NSG2: variants seen among roughly 807,000 people sequenced by gnomAD.
NSG2 encodes neuronal vesicle trafficking-associated protein 2.
NSG2 carries 4 observed loss-of-function variants against 16.9 expected under a neutral mutation model. That is an observed-to-expected ratio of 0.24 (90% CI 0.12 to 0.54). The LOEUF (loss-of-function observed/expected upper bound fraction) is 0.54. NSG2 is among the 20% of genes least tolerant of loss of function. The probability of loss-of-function intolerance (pLI) is 0.95; values close to 1 mark genes in which losing one functional copy is unlikely to be tolerated. For missense variants in NSG2, 179 were observed against 221.1 expected, an observed-to-expected ratio of 0.81 and a Z score of 1.21; for synonymous variants, 98 against 88.7, an observed-to-expected ratio of 1.11 and a Z score of -0.59.
At chr5:174,063,305 G>T (rs1760081627) in intron 2 of NSG2, among the ~76,000 whole-genome samples, 1 of 152,168 alleles carries the variant, frequency 6.6e-6, no homozygotes, top group African/African-American at 2.4e-5. Context: ...CACTTTGCCT[G>T]CACAGTGGGA....
At chr5:174,100,461 G>T (rs1328000773) in intron 3 of NSG2, among the ~76,000 whole-genome samples, 1 of 152,166 alleles carries the variant, frequency 6.6e-6, no homozygotes, top group Non-Finnish European at 1.5e-5. Context: ...TTCTCTTCCT[G>T]GTTACACACG....
chr5:174,066,124 C>A, intron 3 of NSG2: 1 of 452,548 alleles, frequency 2.2e-6, no homozygotes, highest in Non-Finnish European at 4.5e-6. Context: ...TGTGTGCATT[C>A]CCTGGAATGT....
chr5:174,074,256 T>C lies in NSG2; in HGVS notation c.213+9941T>C, dbSNP rs142984504. Among the ~76,000 whole-genome samples, 40 of 152,302 alleles carry C rather than the reference T, an allele frequency of 2.6e-4. 1 individual carries two copies. Among genetic ancestry groups the C allele is most frequent in the African/African-American group, 9.1e-4 (38 of 41,578 alleles). On this transcript the variant is annotated intron_variant, in intron 3 of 4. Coordinates refer to ENST00000303177, the MANE Select transcript of NSG2 (RefSeq NM_015980.5). Reference sequence around the variant, plus strand: ...GGCGAAGGCTCCATCATAGACCTAGTGTGAGGCCTAAGTGAGGCAATGTAA... The same window carrying C: ...GGCGAAGGCTCCATCATAGACCTAGCGTGAGGCCTAAGTGAGGCAATGTAA...
chr5:174,100,462 G>C (rs1405715926), intron 3 of NSG2, among the ~76,000 whole-genome samples: 2 of 152,124 alleles, frequency 1.3e-5, no homozygotes, highest in Admixed American at 6.5e-5. Context: ...TCTCTTCCTG[G>C]TTACACACGG....
rs140681120 is a variant in NSG2 at position 174,070,853 on chromosome 5, G to A, written c.213+6538G>A. Among the ~76,000 whole-genome samples the A allele has an allele frequency of 4.4e-4, 67 of 152,286 alleles. 1 individual carries two copies. The highest frequency in any genetic ancestry group is 3.4e-3 in the Middle Eastern group (1 of 294). Reference sequence around the variant, plus strand: ...TCCCTGGAGGGCAGGGAGGTGTCTGGTGCATCTCTGTGTTCCCAGTTCCCA... The same window carrying A: ...TCCCTGGAGGGCAGGGAGGTGTCTGATGCATCTCTGTGTTCCCAGTTCCCA... On this transcript the variant is annotated intron_variant, in intron 3 of 4. Transcript: ENST00000303177.
At chr5:174,076,662 G>T (rs1760348554) in intron 3 of NSG2, among the ~76,000 whole-genome samples, 1 of 152,158 alleles carries the variant, frequency 6.6e-6, no homozygotes, top group Non-Finnish European at 1.5e-5. Flanking sequence ...GAGGTAGTTG[G>T]GTGAGTTCAT....
At chr5:174,080,525 T>TTC (rs72447938) in intron 3 of NSG2, among the ~76,000 whole-genome samples, 42,618 of 124,648 alleles carry the variant, frequency 0.34, 8,834 homozygotes, top group Non-Finnish European at 0.46. Context: ...CTTTCTTTCT[T>TTC]TCTCTCTCTC....
chr5:174,093,678 T>A (rs769789101), intron 3 of NSG2, among the ~76,000 whole-genome samples: 27 of 152,220 alleles, frequency 1.8e-4, no homozygotes, highest in Non-Finnish European at 3.7e-4. Context: ...CTCTGGAGGT[T>A]CCAGCTGCCA....
chr5:174,045,901 C>G (rs1245596201), intron 1 of NSG2, 58 bp downstream of exon 1: 1 of 152,376 alleles, frequency 6.6e-6, no homozygotes, highest in African/African-American at 2.4e-5. Flanking sequence ...ACCCCTTTCA[C>G]CCCCACAACA....
intron 3 of NSG2, among the ~76,000 whole-genome samples, chr5:174,070,485 AC>A (rs1169202629): frequency 6.6e-6 from 1 of 151,858 alleles, no homozygotes; most frequent in African/African-American, 2.4e-5. Context: ...CCAAGCTGTG[AC>A]CTTCCTGCCT....
chr5:174,063,183 T>C (rs756834671), intron 2 of NSG2, among the ~76,000 whole-genome samples: 25 of 152,362 alleles, frequency 1.6e-4, no homozygotes, highest in Non-Finnish European at 3.4e-4. Context: ...ATTAGAATTA[T>C]TTGTCTCTAT....
At chr5:174,049,956 C>A (rs1297416448) in intron 2 of NSG2, among the ~76,000 whole-genome samples, 2 of 152,164 alleles carry the variant, frequency 1.3e-5, no homozygotes, top group Non-Finnish European at 2.9e-5. Context: ...GAAGCCACCT[C>A]TTTAGGTGGG....
At chr5:174,067,735 A>T (rs1054390699) in intron 3 of NSG2, among the ~76,000 whole-genome samples, 10 of 152,082 alleles carry the variant, frequency 6.6e-5, no homozygotes, top group Admixed American at 5.2e-4. Context: ...GGAGGCGTGG[A>T]GGTAATTAAG....
At chr5:174,084,881 G>C (rs1032654084) in intron 3 of NSG2, among the ~76,000 whole-genome samples, 1 of 152,218 alleles carries the variant, frequency 6.6e-6, no homozygotes, top group Non-Finnish European at 1.5e-5. Flanking sequence ...GGCCTTGCAG[G>C]CTGGCTGTGC....
Position 174,107,745 on chromosome 5 carries a change from A to T in NSG2, c.*240A>T. ...CCGAGTCAGGCTCATGTACAAAGGCATGTTTCGTGTTGATTGTTCCCATGT... is the reference window on the plus strand; with the variant it reads ...CCGAGTCAGGCTCATGTACAAAGGCTTGTTTCGTGTTGATTGTTCCCATGT... On this transcript the variant is annotated 3_prime_UTR_variant, in exon 5 of 5. Coordinates refer to ENST00000303177, the MANE Select transcript of NSG2 (RefSeq NM_015980.5). The surrounding 1 kb of genome is among the most constrained non-coding windows in gnomAD (Gnocchi z 4.5). 1.5e-6 allele frequency: 1 copy of T among 680,982 alleles called. No homozygotes were observed. Among genetic ancestry groups the T allele is most frequent in the East Asian group, 2.8e-5 (1 of 35,646 alleles). 42.2% of individuals were successfully genotyped at this position (680,982 alleles called of 1,614,324 possible). A position where few individuals can be genotyped will look rare whatever the true frequency, so the allele number is the denominator to read the frequency against.
intron 3 of NSG2, among the ~76,000 whole-genome samples, chr5:174,074,229 G>C (rs1444645775): frequency 6.6e-6 from 1 of 152,222 alleles, no homozygotes; most frequent in Non-Finnish European, 1.5e-5. Flanking sequence ...TGCAAAATGG[G>C]TGGCGAAGGC....
intron 2 of NSG2, among the ~76,000 whole-genome samples, chr5:174,051,010 G>T (rs1759879553): frequency 1.3e-5 from 2 of 152,020 alleles, no homozygotes; most frequent in Admixed American, 6.6e-5. Flanking sequence ...TCACCATCTG[G>T]CCTGCGCTGG....
At chr5:174,046,987 T>A in intron 2 of NSG2, 103 bp downstream of exon 2, 1 of 1,113,182 alleles carries the variant, frequency 9.0e-7, no homozygotes, top group Non-Finnish European at 1.3e-6. Flanking sequence ...TTCTCTTATC[T>A]GCCAAATGTG....
chr5:174,051,045 T>C (rs1163579229), intron 2 of NSG2, among the ~76,000 whole-genome samples: 2 of 152,132 alleles, frequency 1.3e-5, no homozygotes, highest in African/African-American at 4.8e-5. Context: ...ACTCCCACGT[T>C]GCGCCTCGAA....
Sources: gnomAD v4.1 joint callset for allele counts (sites outside exome capture counted in the v4.1 genomes callset) on GRCh38, gnomAD v4.1.1 for gene constraint, Gnocchi (gnomAD v3.1) non-coding constraint, MANE v1.5 for transcripts, NCBI Gene and HGNC (gene_info 2026-07-23, HGNC 2026-07-21) for gene names.